Variants in LUC7L2 observed in about 807,000 individuals in gnomAD.
LUC7L2 encodes the protein putative RNA-binding protein Luc7-like 2.
LUC7L2 carries 25 observed loss-of-function variants against 52.8 expected under a neutral mutation model. The observed-to-expected ratio is 0.47, with a 90% CI of 0.34 to 0.66. The LOEUF (loss-of-function observed/expected upper bound fraction) is 0.66. Ranked by LOEUF, LUC7L2 falls within the 30% of genes least tolerant of loss-of-function variation. LUC7L2 has a pLI of 0.01. For synonymous variants in LUC7L2, 144 were observed against 160.9 expected (o/e 0.89, Z 0.80); for missense variants, 328 against 497.8 (o/e 0.66, Z 3.25).
chr7:139,349,829 A>G (rs1209936368), intron 1 of LUC7L2, among the ~76,000 whole-genome samples: 1 of 152,242 alleles, frequency 6.6e-6, no homozygotes, highest in Non-Finnish European at 1.5e-5. Flanking sequence ...AGGTAAATTT[A>G]CATATAATAA....
chr7:139,359,583 A>C, upstream of LUC7L2: 1 of 382,084 alleles, frequency 2.6e-6, no homozygotes. Flanking sequence ...GCCCAGGCTA[A>C]CCTCTAGCGC....
intron 1 of LUC7L2, among the ~76,000 whole-genome samples, chr7:139,364,072 C>G (rs1445217941): frequency 6.8e-6 from 1 of 147,690 alleles, no homozygotes; most frequent in Non-Finnish European, 1.5e-5. Flanking sequence ...ACAACCTCCA[C>G]CTCCTGGGTT....
chr7:139,383,776 T>G (rs1794067712), intron 2 of LUC7L2, among the ~76,000 whole-genome samples: 1 of 114,210 alleles, frequency 8.8e-6, no homozygotes. Flanking sequence ...CTCTTTCGCC[T>G]AGGCTGGAGT....
intron 1 of LUC7L2, among the ~76,000 whole-genome samples, chr7:139,346,490 C>T (rs886124606): frequency 6.6e-6 from 1 of 152,076 alleles, no homozygotes; most frequent in Non-Finnish European, 1.5e-5. Context: ...AGGTGGCACA[C>T]TCAAATAGGG....
intron 2 of LUC7L2, among the ~76,000 whole-genome samples, chr7:139,389,385 C>T (rs568021605): frequency 8.5e-5 from 13 of 152,194 alleles, no homozygotes; most frequent in African/African-American, 2.9e-4. Flanking sequence ...ATCCCCTTTT[C>T]CCCCCATCAT....
chr7:139,405,246 G>A (rs950170210), intron 4 of LUC7L2, among the ~76,000 whole-genome samples: 2 of 152,186 alleles, frequency 1.3e-5, no homozygotes, highest in Admixed American at 6.5e-5. Flanking sequence ...ATCCCAGAAA[G>A]AAGAGTATAT....
At chr7:139,341,341 T>G in intron 1 of LUC7L2, 1 of 1,582,486 alleles carries the variant, frequency 6.3e-7, no homozygotes, top group Non-Finnish European at 8.6e-7. Flanking sequence ...GTTTTCAGGG[T>G]CGTAGGACGC....
Position 139,417,687 on chromosome 7 carries a change from G to T in LUC7L2, c.959G>T (p.Arg320Leu), listed in dbSNP as rs749245444. Residue 320 changes from arginine (R) to leucine (L), a missense_variant, in exon 9 of 10, where the codon CGG becomes CTG. Arg to Leu is a moderately radical substitution (Grantham distance 102). Transcript: ENST00000354926. Reference sequence around the variant, plus strand: ...CGCAGCCGTAGCCACCAGAGAAGTCGGCACAGTTCTAGAGATAGGAGCAGA... The same window carrying T: ...CGCAGCCGTAGCCACCAGAGAAGTCTGCACAGTTCTAGAGATAGGAGCAGA... ...RSRSRSHQRS[R>L]HSSRDRSRER... The T allele has an allele frequency of 6.2e-7, 1 of 1,613,978 alleles. No homozygotes were observed.
intron 8 of LUC7L2, among the ~76,000 whole-genome samples, chr7:139,415,556 C>T (rs929935960): frequency 1.4e-5 from 2 of 147,432 alleles, no homozygotes; most frequent in African/African-American, 2.5e-5. Flanking sequence ...TTACTCTTTT[C>T]AGCTGTGGAA....
At chr7:139,367,611 T>G (rs1376449621) in intron 1 of LUC7L2, among the ~76,000 whole-genome samples, 1 of 152,232 alleles carries the variant, frequency 6.6e-6, no homozygotes, top group East Asian at 1.9e-4. Flanking sequence ...TGTGCAAATC[T>G]CATACTTTGG....
At chr7:139,406,860 G>T (rs75227763) in intron 5 of LUC7L2, among the ~76,000 whole-genome samples, 3,048 of 151,310 alleles carry the variant, frequency 0.02, 44 homozygotes, top group Middle Eastern at 0.041. Context: ...TGATTTTATT[G>T]TTTTTTTCTT....
chr7:139,340,654 A>C (rs1278764799), intron 1 of LUC7L2: 2 of 396,060 alleles, frequency 5.0e-6, no homozygotes, highest in Non-Finnish European at 8.9e-6. Context: ...GACGTACCAA[A>C]GAGGAAAATA....
chr7:139,414,201 C>T (rs1347642796), intron 8 of LUC7L2, among the ~76,000 whole-genome samples: 1 of 152,108 alleles, frequency 6.6e-6, no homozygotes, highest in Non-Finnish European at 1.5e-5. Flanking sequence ...AAATGAAATA[C>T]ATCACATCAG....
intron 2 of LUC7L2, among the ~76,000 whole-genome samples, chr7:139,376,941 A>G (rs1042389839): frequency 1.3e-5 from 2 of 152,206 alleles, no homozygotes; most frequent in African/African-American, 4.8e-5. Context: ...TCTCAGCCAA[A>G]TGAGTGGTTT....
intron 2 of LUC7L2, among the ~76,000 whole-genome samples, chr7:139,384,406 C>G (rs1794101225): frequency 1.3e-5 from 2 of 152,086 alleles, no homozygotes; most frequent in African/African-American, 4.8e-5. Flanking sequence ...GCTGGCATTA[C>G]AGGCTTGCAC....
intron 1 of LUC7L2, among the ~76,000 whole-genome samples, chr7:139,366,940 C>A (rs1245847184): frequency 1.3e-5 from 2 of 152,116 alleles, no homozygotes; most frequent in Non-Finnish European, 2.9e-5. Flanking sequence ...CAGTGTTTCC[C>A]AAATGTTTGT....
At chr7:139,412,760 G>C in intron 8 of LUC7L2, 180 bp downstream of exon 8, 1 of 564,810 alleles carries the variant, frequency 1.8e-6, no homozygotes, top group East Asian at 3.8e-5. Flanking sequence ...GGGAGGCAGA[G>C]GTTGCAGTGA....
intron 2 of LUC7L2, among the ~76,000 whole-genome samples, chr7:139,388,010 T>C (rs2883772): frequency 0.39 from 58,549 of 152,044 alleles, 15,766 homozygotes; most frequent in African/African-American, 0.77. Flanking sequence ...CACTCTTTTC[T>C]TCTGCCTGCA....
intron 2 of LUC7L2, among the ~76,000 whole-genome samples, chr7:139,395,459 T>A (rs6467848): frequency 0.38 from 58,061 of 151,984 alleles, 15,386 homozygotes; most frequent in African/African-American, 0.76. Context: ...CCTGGAAAAA[T>A]CTCAGCATGC....
Sources: gnomAD v4.1 joint callset for allele counts (sites outside exome capture counted in the v4.1 genomes callset) on GRCh38, gnomAD v4.1.1 for gene constraint, MANE v1.5 for transcripts, NCBI Gene and HGNC (gene_info 2026-07-23, HGNC 2026-07-21) for gene names.